Variants in DPY19L1 observed in about 807,000 individuals in gnomAD.
DPY19L1 encodes the protein dpy-19 like C-mannosyltransferase 1, also known as protein C-mannosyl-transferase DPY19L1.
A neutral mutation model predicts 96.9 loss-of-function variants in DPY19L1; 35 were observed. The ratio of observed to expected loss-of-function variants is 0.36; its 90% confidence interval spans 0.28 to 0.48. DPY19L1 has a LOEUF of 0.48. Among genes scored for constraint, DPY19L1 ranks in the 20% least tolerant of loss-of-function variants. The probability of loss-of-function intolerance (pLI) is 0.99; values close to 1 mark genes in which losing one functional copy is unlikely to be tolerated. For missense variants in DPY19L1, 521 were observed against 777.9 expected (o/e 0.67, Z 3.93); for synonymous variants, 205 against 252.6 (o/e 0.81, Z 1.79).
intron 6 of DPY19L1, among the ~76,000 whole-genome samples, chr7:35,002,136 AAAAAAACAAAAC>A (rs1201453404): frequency 6.6e-6 from 1 of 151,316 alleles, no homozygotes; most frequent in East Asian, 1.9e-4. Flanking sequence ...AAAAAAAAAA[AAAAAAACAAAAC>A]AAAAAACAAC....
At chr7:35,025,853 T>C (rs976372582) in intron 1 of DPY19L1, among the ~76,000 whole-genome samples, 1 of 152,200 alleles carries the variant, frequency 6.6e-6, no homozygotes. Flanking sequence ...TACCCCACTG[T>C]GCCACACAAA....
chr7:35,023,133 A>G (rs1168651088), intron 1 of DPY19L1, among the ~76,000 whole-genome samples: 6 of 152,084 alleles, frequency 3.9e-5, no homozygotes, highest in Non-Finnish European at 8.8e-5. Flanking sequence ...GGACGAAGAC[A>G]CTGAACAAAC....
chr7:34,997,609 C>CA lies in DPY19L1; in HGVS notation c.765-7669dup, dbSNP rs3048611. 1.0e-2 allele frequency among the ~76,000 whole-genome samples: 745 copies of CA among 74,840 alleles called. 20 individuals are homozygous for CA. Among genetic ancestry groups the CA allele is most frequent in the East Asian group, 0.043 (108 of 2,538 alleles). 49.1% of individuals were successfully genotyped at this position (74,840 alleles called of 152,430 possible). A position where few individuals can be genotyped will look rare whatever the true frequency, so the allele number is the denominator to read the frequency against. ...TGGGCAACTGAGCGAGACTCCGTCT[C>CA]AAAAAAAAAAAAAAAAAAAAAAAAG... is the stretch of plus-strand genomic sequence containing the variant. On this transcript the variant is annotated intron_variant, in intron 6 of 21. Transcript: ENST00000638088.
At chr7:35,023,818 T>TTTTTC (rs199763126) in intron 1 of DPY19L1, among the ~76,000 whole-genome samples, 18,769 of 133,764 alleles carry the variant, frequency 0.14, 1,974 homozygotes, top group Admixed American at 0.28. Context: ...AAATATATTC[T>TTTTTC]TTTTCTTTTC....
chr7:35,031,853 GA>G (rs1053217227), intron 1 of DPY19L1, among the ~76,000 whole-genome samples: 2 of 150,574 alleles, frequency 1.3e-5, no homozygotes, highest in African/African-American at 2.4e-5. Context: ...ATCTTAGAAA[GA>G]AAAAAAAATG....
intron 7 of DPY19L1, among the ~76,000 whole-genome samples, chr7:34,983,038 A>C (rs2128670676): frequency 6.6e-6 from 1 of 152,352 alleles, no homozygotes; most frequent in East Asian, 1.9e-4. Flanking sequence ...AAATCACTGT[A>C]ATTCATTTGA....
chr7:34,954,299 CA>C (rs781526149), intron 13 of DPY19L1, among the ~76,000 whole-genome samples: 62 of 152,104 alleles, frequency 4.1e-4, no homozygotes, highest in Non-Finnish European at 6.5e-4. Flanking sequence ...AAGCCTTTTA[CA>C]AGTAATGACT....
chr7:35,032,259 G>T (rs1786277484), intron 1 of DPY19L1, among the ~76,000 whole-genome samples: 1 of 152,106 alleles, frequency 6.6e-6, no homozygotes, highest in African/African-American at 2.4e-5. Flanking sequence ...CTAGTTAAGA[G>T]CATGAACTTA....
chr7:35,008,162 T>C (rs1785610322), intron 6 of DPY19L1, among the ~76,000 whole-genome samples: 1 of 152,148 alleles, frequency 6.6e-6, no homozygotes, highest in Admixed American at 6.5e-5. Context: ...AGCCCCTCCA[T>C]GCAGAACAAA....
At chr7:35,023,023 C>T (rs1301582142) in intron 1 of DPY19L1, among the ~76,000 whole-genome samples, 2 of 152,180 alleles carry the variant, frequency 1.3e-5, no homozygotes, top group African/African-American at 4.8e-5. Context: ...TGGAAGCCAT[C>T]GTTCTTCCCA....
At chr7:34,991,582 T>C (rs1004213226) in intron 6 of DPY19L1, among the ~76,000 whole-genome samples, 5 of 152,184 alleles carry the variant, frequency 3.3e-5, no homozygotes, top group Admixed American at 2.0e-4. Context: ...AAGGTTAAGA[T>C]AGAGTTAACG....
At chr7:34,976,110 T>C (rs1784825144) in intron 7 of DPY19L1, among the ~76,000 whole-genome samples, 1 of 152,246 alleles carries the variant, frequency 6.6e-6, no homozygotes, top group African/African-American at 2.4e-5. Context: ...CTCTAGCTGC[T>C]ATAGTGATTC....
chr7:34,938,506 C>T (rs1309050303), intron 20 of DPY19L1, among the ~76,000 whole-genome samples: 1 of 152,170 alleles, frequency 6.6e-6, no homozygotes, highest in Non-Finnish European at 1.5e-5. Context: ...CCAACTTAGA[C>T]ATCAACAATA....
Position 34,940,208 on chromosome 7 carries a change from G to T in DPY19L1, c.1809C>A (p.Phe603Leu). Residue 603 changes from phenylalanine to leucine, a missense_variant, in exon 19 of 22, where the codon TTC becomes TTA. Transcript: ENST00000638088. Reference sequence around the variant, plus strand: ...TAAGTTCTTCTTGGGGCAAATTGCTGAACTCCCCTACAATATTCCACTGGG... The same window carrying T: ...TAAGTTCTTCTTGGGGCAAATTGCTTAACTCCCCTACAATATTCCACTGGG... ...LQTQWNIVGE[F>L]SNLPQEELIE... 1 of 1,605,358 alleles carries T rather than the reference G, an allele frequency of 6.2e-7. No individual in the cohort carries two copies.
At chr7:34,933,645 C>A (rs1013084380) in intron 21 of DPY19L1, among the ~76,000 whole-genome samples, 2 of 152,188 alleles carry the variant, frequency 1.3e-5, no homozygotes, top group African/African-American at 4.8e-5. Context: ...TAAAAGCAGG[C>A]AAAAGAATTG....
intron 21 of DPY19L1, among the ~76,000 whole-genome samples, 173 bp from the exon 22 acceptor site, chr7:34,931,902 C>T (rs1180383083): frequency 6.6e-6 from 1 of 152,140 alleles, no homozygotes; most frequent in Non-Finnish European, 1.5e-5. Context: ...CATGACTCAC[C>T]TTAGGACAAG....
chr7:35,003,550 C>T (rs1450927719), intron 6 of DPY19L1, among the ~76,000 whole-genome samples: 2 of 152,208 alleles, frequency 1.3e-5, no homozygotes, highest in African/African-American at 4.8e-5. Flanking sequence ...CCAGGGTAAA[C>T]AGTGGTGAAT....
chr7:34,935,805 AC>A (rs1783856641), intron 21 of DPY19L1, among the ~76,000 whole-genome samples: 1 of 152,228 alleles, frequency 6.6e-6, no homozygotes, highest in African/African-American at 2.4e-5. Context: ...AAATGTAAAC[AC>A]TAGATAAATA....
intron 6 of DPY19L1, among the ~76,000 whole-genome samples, chr7:35,009,329 C>A (rs1785645077): frequency 6.6e-6 from 1 of 152,124 alleles, no homozygotes; most frequent in Non-Finnish European, 1.5e-5. Flanking sequence ...TAATTCTGTA[C>A]TACAAAGAAT....
Sources: gnomAD v4.1 joint callset for allele counts (sites outside exome capture counted in the v4.1 genomes callset) on GRCh38, gnomAD v4.1.1 for gene constraint, MANE v1.5 for transcripts, NCBI Gene and HGNC (gene_info 2026-07-23, HGNC 2026-07-21) for gene names.